NPPB: variants seen among roughly 807,000 people sequenced by gnomAD.
NPPB encodes natriuretic peptide B, also known as natriuretic peptides B.
Under a neutral mutation model 12.7 loss-of-function variants are expected in NPPB, and 13 were observed. That is an observed-to-expected ratio of 1.03 (90% confidence interval 0.67 to 1.63). The LOEUF (loss-of-function observed/expected upper bound fraction) is 1.63, where lower values mean the gene tolerates loss of function less well. Ranked by LOEUF, NPPB falls within the 40% of genes most tolerant of loss-of-function variation. The pLI is 0.00. For missense variants in NPPB, 184 were observed against 172.9 expected, an observed-to-expected ratio of 1.06 and a Z score of -0.36; for synonymous variants, 66 against 74.7, an observed-to-expected ratio of 0.88 and a Z score of 0.60.
Position 11,857,544 on chromosome 1 carries a change from AATAAATAC to A in NPPB, c.*103_*110del. 1 of 1,031,546 alleles carries A rather than the reference AATAAATAC, an allele frequency of 9.7e-7. No homozygotes were observed. The highest frequency in any genetic ancestry group is 1.5e-6 in the Non-Finnish European group (1 of 684,688). The allele number at this position is 1,031,546 out of a possible 1,614,324, so 63.9% of individuals were successfully genotyped here. A position where few individuals can be genotyped will look rare whatever the true frequency, so the allele number is the denominator to read the frequency against. On this transcript the variant is annotated 3_prime_UTR_variant, in exon 3 of 3. Coordinates refer to ENST00000376468, the MANE Select transcript of NPPB (RefSeq NM_002521.3). Reference sequence around the variant, plus strand: ...GAAACCATCTTATATAAAACAATCAAATAAATACATAAATACATTAAAAAAATGAGTCA... The same window carrying A: ...GAAACCATCTTATATAAAACAATCAAATAAATACATTAAAAAAATGAGTCA...
Position 11,858,377 on chromosome 1 carries a change from A to C in NPPB, c.225T>G (p.Gly75=). Residue 75 remains glycine (G), a synonymous_variant, in exon 2 of 3, where the codon GGT becomes GGG. Coordinates refer to ENST00000376468, the MANE Select transcript of NPPB (RefSeq NM_002521.3). ...EPLQESPRPT[G]VWKSREVATE... ...TGGCTACCTCCCGGGACTTCCAGAC[A>C]CCTGTGGGACGGGGGCTCTCCTGGA... The C allele has an allele frequency of 6.2e-7, 1 of 1,603,008 alleles. No homozygotes were observed. Among genetic ancestry groups the C allele is most frequent in the Non-Finnish European group, 8.5e-7 (1 of 1,173,460 alleles).
In NPPB at chr1:11,858,654, C is replaced by T. The variant is rs370520733; in HGVS notation, c.132+48G>A. 6.2e-6 allele frequency: 10 copies of T among 1,613,534 alleles called. No homozygotes were observed. The African/African-American group carries it at 9.3e-5, about 15-fold the overall frequency. On this transcript the variant is annotated intron_variant, in intron 1 of 2. Transcript: ENST00000376468. ...GCCTCTTGGGACAGCAGGTGAGGAC[C>T]CTTTCATTGCTGCTGTCCAATCCCC...
In NPPB at chr1:11,858,275, C is replaced by A. The variant is rs1299872602; in HGVS notation, c.327G>T (p.Gly109=). The change falls in exon 2 of 3, where the codon GGG becomes GGT. Residue 109 remains glycine (G), a synonymous_variant. Coordinates refer to ENST00000376468, the MANE Select transcript of NPPB (RefSeq NM_002521.3). ...CCATCTTCCTCCCAAAGCAGCCAGA[C>A]CCTTGCACCATCTTGGGGCTTCGTG... ...RAPRSPKMVQ[G]SGCFGRKMDR... The A allele has an allele frequency of 3.7e-6, 6 of 1,614,120 alleles. No individual in the cohort carries two copies. Among genetic ancestry groups the A allele is most frequent in the Non-Finnish European group, 5.1e-6 (6 of 1,179,998 alleles).
chr1:11,858,407 C>G lies in NPPB; in HGVS notation c.195G>C (p.Glu65Asp), dbSNP rs1473441019. ...TGGGACGGGGGCTCTCCTGGAGGGG[C>G]TCCAGGGATGTCTGCTCCACCTGCA... The part of the protein sequence containing the change: ...SELQVEQTSL[E>D]PLQESPRPTG... The change falls in exon 2 of 3, where the codon GAG becomes GAC. Residue 65 changes from glutamate (E) to aspartate (D), a missense_variant. Transcript: ENST00000376468. The G allele has an allele frequency of 1.9e-6, 3 of 1,573,004 alleles. No individual in the cohort carries two copies. The highest frequency in any genetic ancestry group is 2.6e-6 in the Non-Finnish European group (3 of 1,158,516).
At chr1:11,857,721 C>G in intron 2 of NPPB, 50 bp from the exon 3 acceptor site, 1 of 1,605,220 alleles carries the variant, frequency 6.2e-7, no homozygotes, top group Non-Finnish European at 8.5e-7. Context: ...GAGATGGAGG[C>G]AGGGGCTGAG....
rs779624438 is a variant in NPPB, at chr1:11,858,738, G to A, written c.96C>T (p.Pro32=). The A allele has an allele frequency of 8.1e-6, 13 of 1,614,060 alleles. No individual in the cohort carries two copies. The Admixed American group carries it at 1.5e-4, about 19-fold the overall frequency. Residue 32 remains proline, a synonymous_variant, in exon 1 of 3, where the codon CCC becomes CCT. Transcript: ENST00000376468. ...ACGTTTCCAAGTCCGAGGCTGAACC[G>A]GGGCTGCCCAGCGGGTGGGAACGAC... ...LGGRSHPLGS[P]GSASDLETSG...
Position 11,858,439 on chromosome 1 carries a change from A to G in NPPB, c.163T>C (p.Ser55Pro), listed in dbSNP as rs1203310170. The G allele has an allele frequency of 1.3e-6, 2 of 1,546,130 alleles. No homozygotes were observed. Among genetic ancestry groups the G allele is most frequent in the African/African-American group, 1.4e-5 (1 of 72,828 alleles). The change falls in exon 2 of 3, where the codon TCG becomes CCG. Residue 55 changes from serine (S) to proline (P), a missense_variant. Ser to Pro is a moderately conservative substitution (Grantham distance 74). Transcript: ENST00000376468. ...GATGTCTGCTCCACCTGCAGCTCCG[A>G]CAGTTTGCCCTGCAAATGGTTGCGC... ...EQRNHLQGKLSELQVEQTSLE... is the reference protein window; with the variant it reads ...EQRNHLQGKLPELQVEQTSLE...
chr1:11,858,152 G>A, intron 2 of NPPB, 62 bp downstream of exon 2: 1 of 1,448,418 alleles, frequency 6.9e-7, no homozygotes, highest in African/African-American at 1.4e-5. Context: ...ACCCCAAAGT[G>A]ACTCTAACAG....
rs1210542846 is a variant in NPPB at position 11,858,841 on chromosome 1, G to A, written c.-8C>T. 2 of 1,613,304 alleles carry A rather than the reference G, an allele frequency of 1.2e-6. No homozygotes were observed. The highest frequency in any genetic ancestry group is 1.7e-6 in the Non-Finnish European group (2 of 1,180,002). Reference sequence around the variant, plus strand: ...TGCTGTCTGGGGATCCATGTCTCTGGAGGGACTGCGGAGGCTGCTGCTGCT... The same window carrying A: ...TGCTGTCTGGGGATCCATGTCTCTGAAGGGACTGCGGAGGCTGCTGCTGCT... On this transcript the variant is annotated 5_prime_UTR_variant, in exon 1 of 3. Transcript: ENST00000376468.
chr1:11,857,713 G>A, intron 2 of NPPB, 42 bp from the exon 3 acceptor site: 1 of 1,611,444 alleles, frequency 6.2e-7, no homozygotes, highest in South Asian at 1.1e-5. Context: ...TAGGGTGGGA[G>A]ATGGAGGCAG....
rs1645128592 is a variant in NPPB, at chr1:11,857,511, A to C, written c.*144T>G. On this transcript the variant is annotated 3_prime_UTR_variant, in exon 3 of 3. Transcript: ENST00000376468. Reference sequence around the variant, plus strand: ...ATTTCACCGTGGAAATTTTGTGCTCAAAGGTAAGAAACCATCTTATATAAA... The same window carrying C: ...ATTTCACCGTGGAAATTTTGTGCTCCAAGGTAAGAAACCATCTTATATAAA... 2 of 735,616 alleles carry C rather than the reference A, an allele frequency of 2.7e-6. No individual in the cohort carries two copies. Among genetic ancestry groups the C allele is most frequent in the Admixed American group, 5.4e-5 (2 of 37,302 alleles). The allele number at this position is 735,616 out of a possible 1,614,324, so 45.6% of individuals were successfully genotyped here. A position where few individuals can be genotyped will look rare whatever the true frequency, so the allele number is the denominator to read the frequency against.
Position 11,858,330 on chromosome 1 carries a change from C to G in NPPB, c.272G>C (p.Arg91Pro), listed in dbSNP as rs143526178. The G allele has an allele frequency of 1.2e-6, 2 of 1,613,430 alleles. No homozygotes were observed. The highest frequency in any genetic ancestry group is 4.5e-5 in the East Asian group (2 of 44,854). The change falls in exon 2 of 3, where the codon CGC becomes CCC. Residue 91 changes from arginine to proline, a missense_variant. By Grantham distance (103) the Arg-to-Pro change is moderately radical. Coordinates refer to ENST00000376468, the MANE Select transcript of NPPB (RefSeq NM_002521.3). ...CCGCAGGGTGTAGAGGACCATTTTG[C>G]GGTGCCCACGGATGCCCTCGGTGGC... ...EVATEGIRGH[R>P]KMVLYTLRAP...
rs765580197 is a variant in NPPB, at chr1:11,858,261, C to T, written c.341G>A (p.Gly114Glu). 1 of 1,613,830 alleles carries T rather than the reference C, an allele frequency of 6.2e-7. No homozygotes were observed. Among genetic ancestry groups the T allele is most frequent in the South Asian group, 1.1e-5 (1 of 91,036 alleles). ...GGAGCTGATCCGGTCCATCTTCCTC[C>T]CAAAGCAGCCAGACCCTTGCACCAT... is the stretch of plus-strand genomic sequence containing the variant. ...PKMVQGSGCF[G>E]RKMDRISSSS... Residue 114 changes from glycine (G) to glutamate (E), a missense_variant, in exon 2 of 3, where the codon GGG (glycine) becomes GAG (glutamate). By Grantham distance (98) the Gly-to-Glu change is moderately conservative. Coordinates refer to ENST00000376468, the MANE Select transcript of NPPB (RefSeq NM_002521.3).
Position 11,857,481 on chromosome 1 carries a change from A to G in NPPB, c.*174T>C, listed in dbSNP as rs1010427909. 1.6e-6 allele frequency: 1 copy of G among 625,592 alleles called. No homozygotes were observed. Among genetic ancestry groups the G allele is most frequent in the African/African-American group, 1.8e-5 (1 of 54,190 alleles). 38.8% of individuals were successfully genotyped at this position (625,592 alleles called of 1,614,324 possible). A position where few individuals can be genotyped will look rare whatever the true frequency, so the allele number is the denominator to read the frequency against. On this transcript the variant is annotated 3_prime_UTR_variant, in exon 3 of 3. Coordinates refer to ENST00000376468, the MANE Select transcript of NPPB (RefSeq NM_002521.3). ...TCAAAAGATAAAGCTTATAATGTTGACTTTATTTCACCGTGGAAATTTTGT... is the reference window on the plus strand; with the variant it reads ...TCAAAAGATAAAGCTTATAATGTTGGCTTTATTTCACCGTGGAAATTTTGT...
chr1:11,858,395 C>T lies in NPPB; in HGVS notation c.207G>A (p.Glu69=). The change falls in exon 2 of 3, where the codon GAG becomes GAA. Residue 69 remains glutamate, a synonymous_variant. Transcript: ENST00000376468. The part of the protein sequence containing the change: ...VEQTSLEPLQ[E]SPRPTGVWKS... ...TCCAGACACCTGTGGGACGGGGGCT[C>T]TCCTGGAGGGGCTCCAGGGATGTCT... The T allele has an allele frequency of 1.3e-6, 2 of 1,591,090 alleles. No homozygotes were observed. The highest frequency in any genetic ancestry group is 1.7e-6 in the Non-Finnish European group (2 of 1,167,464).
In NPPB at chr1:11,858,222, C is replaced by T. The variant is rs762932355; in HGVS notation, c.380G>A (p.Gly127Asp). ...MDRISSSSGL[G>D]CKVLRRH ...TGGCAGGGGGTGCTTACCTTTGCAG[C>T]CCAGGCCACTGGAGGAGCTGATCCG... Residue 127 changes from glycine (G) to aspartate (D), a missense_variant, in exon 2 of 3, where the codon GGC (glycine) becomes GAC (aspartate). Coordinates refer to ENST00000376468, the MANE Select transcript of NPPB (RefSeq NM_002521.3). 4 of 1,608,880 alleles carry T rather than the reference C, an allele frequency of 2.5e-6. No homozygotes were observed. Among genetic ancestry groups the T allele is most frequent in the Admixed American group, 1.7e-5 (1 of 59,262 alleles).
Position 11,857,784 on chromosome 1 carries a change from C to G in NPPB, c.389-113G>C, listed in dbSNP as rs1303471467. On this transcript the variant is annotated intron_variant, in intron 2 of 2. Transcript: ENST00000376468. ...CCTGTTAGTCATCAGACGTTTGAGG[C>G]TTAATGCAACTCTCTGAGCCTCAGT... 12 of 1,005,734 alleles carry G rather than the reference C, an allele frequency of 1.2e-5. No individual in the cohort carries two copies. In the East Asian group the frequency reaches 3.0e-4, roughly 25 times the overall value. 62.3% of individuals were successfully genotyped at this position (1,005,734 alleles called of 1,614,324 possible). A position where few individuals can be genotyped will look rare whatever the true frequency, so the allele number is the denominator to read the frequency against.
Position 11,858,213 on chromosome 1 carries a change from C to G in NPPB, c.388+1G>C, listed in dbSNP as rs537267864. On this transcript the variant is annotated splice_donor_variant, in intron 2 of 2. Coordinates refer to ENST00000376468, the MANE Select transcript of NPPB (RefSeq NM_002521.3). LOFTEE classifies it high-confidence loss of function. ...CGGCCGGGGTGGCAGGGGGTGCTTA[C>G]CTTTGCAGCCCAGGCCACTGGAGGA... is the stretch of plus-strand genomic sequence containing the variant. 8.7e-6 allele frequency: 14 copies of G among 1,600,382 alleles called. No individual in the cohort carries two copies. In the Admixed American group the frequency reaches 1.2e-4, roughly 14 times the overall value.
intron 1 of NPPB, 66 bp from the exon 2 acceptor site, chr1:11,858,535 C>T: frequency 6.5e-7 from 1 of 1,544,410 alleles, no homozygotes; most frequent in Non-Finnish European, 8.7e-7. Context: ...CTTCATGGCA[C>T]CCAAGTGAAC....
Sources: gnomAD v4.1 joint callset for allele counts on GRCh38, gnomAD v4.1.1 for gene constraint, MANE v1.5 for transcripts, NCBI Gene and HGNC (gene_info 2026-07-23, HGNC 2026-07-21) for gene names.